ATXN1: variants seen among roughly 807,000 people sequenced by gnomAD.
ATXN1 encodes ataxin 1, also known as ataxin-1.
Under a neutral mutation model 56.4 loss-of-function variants are expected in ATXN1, and 8 were observed. The ratio of observed to expected loss-of-function variants is 0.14; its 90% CI spans 0.08 to 0.26. The LOEUF is 0.26. Ranked by LOEUF, ATXN1 falls within the 10% of genes least tolerant of loss-of-function variation. ATXN1 has a pLI of 1.00. For synonymous variants in ATXN1, 514 were observed against 494.6 expected (o/e 1.04, Z -0.52); for missense variants, 987 against 1,106.5 (o/e 0.89, Z 1.53).
intron 6 of ATXN1, among the ~76,000 whole-genome samples, chr6:16,458,843 CCCAACCAGATGAT>C (rs1759933352): frequency 6.6e-6 from 1 of 152,222 alleles, no homozygotes; most frequent in African/African-American, 2.4e-5. Flanking sequence ...GCCAGAAGCC[CCCAACCAGATGAT>C]CCAACAACAG....
chr6:16,333,404 G>A (rs1250622686), intron 6 of ATXN1, among the ~76,000 whole-genome samples: 2 of 152,222 alleles, frequency 1.3e-5, no homozygotes, highest in Admixed American at 1.3e-4. Flanking sequence ...AGGAAAATGA[G>A]ATGCTTCTGT....
At chr6:16,518,849 G>A (rs571024716) in intron 5 of ATXN1, among the ~76,000 whole-genome samples, 1 of 152,250 alleles carries the variant, frequency 6.6e-6, no homozygotes, top group South Asian at 2.1e-4. Flanking sequence ...TGATTTTGGT[G>A]CCAGTATAAA....
At chr6:16,354,923 A>G (rs1475581831) in intron 6 of ATXN1, among the ~76,000 whole-genome samples, 3 of 152,242 alleles carry the variant, frequency 2.0e-5, no homozygotes, top group East Asian at 1.9e-4. Flanking sequence ...TACCTCCAGC[A>G]TAGCTGGAGA....
intron 6 of ATXN1, among the ~76,000 whole-genome samples, chr6:16,360,829 C>T (rs1261516157): frequency 6.6e-6 from 1 of 152,222 alleles, no homozygotes; most frequent in Non-Finnish European, 1.5e-5. Flanking sequence ...ACCTCACATT[C>T]AGACCTGTCT....
intron 3 of ATXN1, among the ~76,000 whole-genome samples, chr6:16,607,067 T>C (rs1315861071): frequency 2.0e-5 from 3 of 152,098 alleles, no homozygotes; most frequent in African/African-American, 4.8e-5. Context: ...TTTGTATTTT[T>C]AGTAGAGATG....
At chr6:16,330,839 C>T (rs80281835) in intron 6 of ATXN1, among the ~76,000 whole-genome samples, 1,580 of 151,960 alleles carry the variant, frequency 0.01, 13 homozygotes, top group Middle Eastern at 0.017. Context: ...TTTGGTGTCT[C>T]GATATCAAAG....
chr6:16,588,771 T>G (rs1762672057), intron 3 of ATXN1, among the ~76,000 whole-genome samples: 1 of 151,996 alleles, frequency 6.6e-6, no homozygotes, highest in Non-Finnish European at 1.5e-5. Flanking sequence ...TCTGAGTGAA[T>G]AAATGAGCCA....
At chr6:16,614,543 T>C (rs1763169261) in intron 3 of ATXN1, among the ~76,000 whole-genome samples, 1 of 151,760 alleles carries the variant, frequency 6.6e-6, no homozygotes, top group African/African-American at 2.4e-5. Flanking sequence ...AAAATTAGAA[T>C]AGAATACTAT....
Position 16,687,602 on chromosome 6 carries a change from C to CAGTG in ATXN1, c.-614-29705_-614-29702dup, listed in dbSNP as rs1242364546. Among the ~76,000 whole-genome samples the CAGTG allele has an allele frequency of 2.7e-5, 4 of 150,170 alleles. No homozygotes were observed. The East Asian group carries it at 7.9e-4, about 30-fold the overall frequency. Reference sequence around the variant, plus strand: ...AGAATTTCGCAGGAAAAAGAAAAGACAGTGACACTATGAATCAGCATTTTC... The same window carrying CAGTG: ...AGAATTTCGCAGGAAAAAGAAAAGACAGTGAGTGACACTATGAATCAGCATTTTC... On this transcript the variant is annotated intron_variant, in intron 2 of 7. Transcript: ENST00000436367.
chr6:16,706,673 G>A (rs1233080109), intron 2 of ATXN1, among the ~76,000 whole-genome samples: 4 of 148,562 alleles, frequency 2.7e-5, no homozygotes, highest in East Asian at 2.0e-4. Flanking sequence ...GCAGGGAGCC[G>A]AGATTGCACC....
chr6:16,639,014 A>G lies in ATXN1; in HGVS notation c.-489+18762T>C, dbSNP rs545329685. Among the ~76,000 whole-genome samples, 4 of 152,346 alleles carry G rather than the reference A, an allele frequency of 2.6e-5. No individual in the cohort carries two copies. The South Asian group carries it at 8.3e-4, about 32-fold the overall frequency. On this transcript the variant is annotated intron_variant, in intron 3 of 7. Coordinates refer to ENST00000436367, the MANE Select transcript of ATXN1 (RefSeq NM_001128164.2). ...TACAAGGGGATTGTAAAATGCACCA[A>G]TGAGTGCTCTGTAAAAACACACCAA...
intron 4 of ATXN1, among the ~76,000 whole-genome samples, chr6:16,566,688 C>A (rs1762227677): frequency 6.6e-6 from 1 of 151,862 alleles, no homozygotes; most frequent in Non-Finnish European, 1.5e-5. Context: ...CCCGTCTCTA[C>A]TAAAAATACA....
rs367973098 is a variant in ATXN1, at chr6:16,658,114, G to GA, written c.-614-214dup. On this transcript the variant is annotated intron_variant, in intron 2 of 7. Transcript: ENST00000436367. Reference sequence around the variant, plus strand: ...TGGGGTGTGGGAAGGAAGAAAGAAAGAAAAAAAAAACAAGCATGACACTGG... The same window carrying GA: ...TGGGGTGTGGGAAGGAAGAAAGAAAGAAAAAAAAAAACAAGCATGACACTGG... Among the ~76,000 whole-genome samples the GA allele has an allele frequency of 9.9e-4, 145 of 146,424 alleles. 2 individuals carry two copies. The highest frequency in any genetic ancestry group is 2.9e-3 in the African/African-American group (117 of 40,056).
At chr6:16,656,154 G>A (rs1158078230) in intron 3 of ATXN1, among the ~76,000 whole-genome samples, 1 of 151,928 alleles carries the variant, frequency 6.6e-6, no homozygotes, top group Non-Finnish European at 1.5e-5. Context: ...CCAAAGGGCT[G>A]GCTGTCAAAT....
chr6:16,339,905 T>C (rs941465077), intron 6 of ATXN1, among the ~76,000 whole-genome samples: 1 of 152,088 alleles, frequency 6.6e-6, no homozygotes, highest in African/African-American at 2.4e-5. Flanking sequence ...GCCTCAGCCT[T>C]CCAAGAAGCT....
At position 16,426,344 on chromosome 6, in the gene ATXN1, T is replaced by C. The variant is rs370114446; in HGVS notation, c.-161+59628A>G. 1.6e-4 allele frequency among the ~76,000 whole-genome samples: 24 copies of C among 152,106 alleles called. No homozygotes were observed. In the South Asian group the frequency reaches 4.8e-3, roughly 30 times the overall value. ...GTGAAGCCAGCCAGGCAAATGAGAATGAGAAATTGCAATTATGGACCTTAT... is the reference window on the plus strand; with the variant it reads ...GTGAAGCCAGCCAGGCAAATGAGAACGAGAAATTGCAATTATGGACCTTAT... On this transcript the variant is annotated intron_variant, in intron 6 of 7. Coordinates refer to ENST00000436367, the MANE Select transcript of ATXN1 (RefSeq NM_001128164.2).
intron 4 of ATXN1, among the ~76,000 whole-genome samples, chr6:16,535,476 C>T (rs1051372877): frequency 3.3e-5 from 5 of 152,062 alleles, no homozygotes; most frequent in Admixed American, 2.6e-4. Context: ...CTGCCAATGG[C>T]CAGAACTAAA....
At chr6:16,399,308 G>C (rs1197655128) in intron 6 of ATXN1, among the ~76,000 whole-genome samples, 1 of 152,120 alleles carries the variant, frequency 6.6e-6, no homozygotes, top group Non-Finnish European at 1.5e-5. Context: ...GTGGGTGTAT[G>C]GTGATGACTT....
intron 2 of ATXN1, among the ~76,000 whole-genome samples, chr6:16,728,503 C>T (rs1173721667): frequency 1.3e-5 from 2 of 152,180 alleles, no homozygotes; most frequent in South Asian, 2.1e-4. Flanking sequence ...CTTTCTACAA[C>T]TCAAGGTCTC....
Sources: gnomAD v4.1 joint callset for allele counts (sites outside exome capture counted in the v4.1 genomes callset) on GRCh38, gnomAD v4.1.1 for gene constraint, MANE v1.5 for transcripts, NCBI Gene and HGNC (gene_info 2026-07-23, HGNC 2026-07-21) for gene names.